KCNT1: variants seen among roughly 807,000 people sequenced by gnomAD.
KCNT1 encodes potassium sodium-activated channel subfamily T member 1.
In KCNT1, 78 loss-of-function variants were observed where a neutral mutation model predicts 147.8. That is an observed-to-expected ratio of 0.53 (90% confidence interval 0.44 to 0.64). KCNT1 has a LOEUF of 0.64. Ranked by LOEUF, KCNT1 falls within the 30% of genes least tolerant of loss-of-function variation. The pLI is 0.00. For synonymous variants in KCNT1, 867 were observed against 748.8 expected (o/e 1.16, Z -2.58); for missense variants, 1,419 against 1,750.3 (o/e 0.81, Z 3.38).
At chr9:135,761,458 G>A (rs1036107820) in intron 11 of KCNT1, among the ~76,000 whole-genome samples, 14 of 152,210 alleles carry the variant, frequency 9.2e-5, no homozygotes, top group Admixed American at 1.3e-4. Context: ...GGGGCACTCC[G>A]TGCAGTGACA....
At chr9:135,703,981 C>A (rs763909126) in intron 1 of KCNT1, among the ~76,000 whole-genome samples, 1 of 152,238 alleles carries the variant, frequency 6.6e-6, no homozygotes, top group Non-Finnish European at 1.5e-5. Flanking sequence ...GGATGTCAGG[C>A]GTCAGGCTTG....
At chr9:135,725,425 A>G (rs1439058716) in intron 2 of KCNT1, among the ~76,000 whole-genome samples, 1 of 152,240 alleles carries the variant, frequency 6.6e-6, no homozygotes, top group Non-Finnish European at 1.5e-5. Context: ...CACAGAGAAG[A>G]AGCCACGCCG....
chr9:135,773,196 C>T (rs1832882872), intron 19 of KCNT1, among the ~76,000 whole-genome samples: 1 of 152,206 alleles, frequency 6.6e-6, no homozygotes, highest in South Asian at 2.1e-4. Context: ...GGGCTACACC[C>T]TTTCCAGTTG....
chr9:135,783,987 C>T (rs772374273), intron 24 of KCNT1, 37 bp from the exon 25 acceptor site: 11 of 1,559,708 alleles, frequency 7.1e-6, no homozygotes, highest in African/African-American at 1.4e-5. Context: ...GGAGGGACCT[C>T]GGCACCAGCC....
chr9:135,712,900 T>A (rs1238964624), intron 1 of KCNT1, among the ~76,000 whole-genome samples: 1 of 152,210 alleles, frequency 6.6e-6, no homozygotes, highest in African/African-American at 2.4e-5. Flanking sequence ...GGGCATCTTG[T>A]CCTTGTCACC....
At chr9:135,775,450 C>G in intron 20 of KCNT1, 35 bp downstream of exon 20, 1 of 1,524,358 alleles carries the variant, frequency 6.6e-7, no homozygotes, top group East Asian at 2.3e-5. Context: ...TCTGCACCCC[C>G]AGACGCCAGC....
chr9:135,707,494 C>T (rs896827330), intron 1 of KCNT1, among the ~76,000 whole-genome samples: 7 of 152,110 alleles, frequency 4.6e-5, no homozygotes, highest in Admixed American at 1.3e-4. Context: ...ACAGCGTGGC[C>T]GGGGGCAGGG....
At chr9:135,716,524 C>T (rs780212469) in intron 2 of KCNT1, among the ~76,000 whole-genome samples, 1 of 152,174 alleles carries the variant, frequency 6.6e-6, no homozygotes, top group Non-Finnish European at 1.5e-5. Context: ...ACTGTGCCAC[C>T]CTCACCACTG....
At chr9:135,724,107 G>A (rs1451717710) in intron 2 of KCNT1, among the ~76,000 whole-genome samples, 8 of 152,210 alleles carry the variant, frequency 5.3e-5, no homozygotes, top group Admixed American at 5.2e-4. Context: ...AATAAGAGCT[G>A]ACTGTGGGAT....
intron 2 of KCNT1, among the ~76,000 whole-genome samples, chr9:135,716,381 C>T (rs1260917344): frequency 2.6e-5 from 4 of 152,150 alleles, no homozygotes; most frequent in Non-Finnish European, 5.9e-5. Flanking sequence ...CTAGAGAGAA[C>T]CATGCCCATC....
chr9:135,770,825 C>T (rs1225972162), intron 17 of KCNT1, 32 bp from the exon 18 acceptor site: 9 of 1,529,306 alleles, frequency 5.9e-6, no homozygotes, highest in African/African-American at 1.4e-5. Context: ...GGGTGAGCGG[C>T]GGTACCTGAA....
At chr9:135,781,492 GTC>G (rs1833606343) in intron 24 of KCNT1, among the ~76,000 whole-genome samples, 1 of 152,190 alleles carries the variant, frequency 6.6e-6, no homozygotes, top group African/African-American at 2.4e-5. Context: ...TCCCCCATGG[GTC>G]TCTCTGACGG....
chr9:135,780,456 C>T (rs1397412540), intron 24 of KCNT1, among the ~76,000 whole-genome samples: 7 of 152,222 alleles, frequency 4.6e-5, no homozygotes, highest in African/African-American at 7.2e-5. Flanking sequence ...CCCACCTGAA[C>T]CCGATGGAGA....
At chr9:135,748,622 C>A (rs188234620) in intron 2 of KCNT1, among the ~76,000 whole-genome samples, 323 of 152,314 alleles carry the variant, frequency 2.1e-3, no homozygotes, top group African/African-American at 7.4e-3. Flanking sequence ...GTGCTTACCT[C>A]CCCCGACTTC....
chr9:135,721,579 G>A (rs1250940296), intron 2 of KCNT1, among the ~76,000 whole-genome samples: 2 of 152,232 alleles, frequency 1.3e-5, no homozygotes, highest in African/African-American at 4.8e-5. Flanking sequence ...CCAGAGCCTC[G>A]GGGCCGCCTG....
At position 135,749,188 on chromosome 9, in the gene KCNT1, G is replaced by A. The variant is rs904661397; in HGVS notation, c.255-910G>A. Among the ~76,000 whole-genome samples, 11 of 152,318 alleles carry A rather than the reference G, an allele frequency of 7.2e-5. 1 individual carries two copies. The highest frequency in any genetic ancestry group is 2.4e-4 in the African/African-American group (10 of 41,570). On this transcript the variant is annotated intron_variant, in intron 2 of 30. Coordinates refer to ENST00000371757, the MANE Select transcript of KCNT1 (RefSeq NM_020822.3). ...AGCACAGCCGGGCACAGGAGACCCT[G>A]CGTCCAAGGCTGGGGCAGTGGGGGC... is the stretch of plus-strand genomic sequence containing the variant.
At chr9:135,788,420 G>A (rs906346360) in intron 29 of KCNT1, among the ~76,000 whole-genome samples, 2 of 152,264 alleles carry the variant, frequency 1.3e-5, no homozygotes, top group Non-Finnish European at 2.9e-5. Context: ...GCCAGGCAGA[G>A]TGGCGACTGC....
At chr9:135,732,036 A>AGAGAGAGAGAGAGGGAGAGAGAGAGG (rs1471974281) in intron 2 of KCNT1, among the ~76,000 whole-genome samples, 10 of 137,258 alleles carry the variant, frequency 7.3e-5, no homozygotes, top group Admixed American at 1.5e-4. Context: ...AGAGAGAGAG[A>AGAGAGAGAGAGAGGGAGAGAGAGAGG]GAGAGGGAGT....
At chr9:135,713,421 C>A (rs564115548) in intron 1 of KCNT1, among the ~76,000 whole-genome samples, 2 of 152,370 alleles carry the variant, frequency 1.3e-5, no homozygotes, top group Admixed American at 1.3e-4. Flanking sequence ...GTGCCCATAG[C>A]TCCTTGCCTG....
Sources: gnomAD v4.1 joint callset for allele counts (sites outside exome capture counted in the v4.1 genomes callset) on GRCh38, gnomAD v4.1.1 for gene constraint, MANE v1.5 for transcripts, NCBI Gene and HGNC (gene_info 2026-07-23, HGNC 2026-07-21) for gene names.